GRM8: variants seen among roughly 807,000 people sequenced by gnomAD.
GRM8 encodes glutamate metabotropic receptor 8.
In GRM8, 47 loss-of-function variants were observed where a neutral mutation model predicts 87.2. The ratio of observed to expected loss-of-function variants is 0.54; its 90% CI spans 0.43 to 0.69. The LOEUF is 0.69. GRM8 is among the 30% of genes least tolerant of loss of function. The pLI is 0.00. For synonymous variants in GRM8, 396 were observed against 404.5 expected (o/e 0.98, Z 0.25); for missense variants, 1,019 against 1,139.2 (o/e 0.89, Z 1.52).
intron 6 of GRM8, among the ~76,000 whole-genome samples, chr7:126,886,788 C>T (rs1277422963): frequency 3.3e-5 from 5 of 151,980 alleles, no homozygotes; most frequent in Admixed American, 6.6e-5. Context: ...AAGAAATACC[C>T]TCAATTCCCA....
intron 6 of GRM8, among the ~76,000 whole-genome samples, chr7:126,836,523 C>T (rs902670949): frequency 6.6e-6 from 1 of 152,028 alleles, no homozygotes; most frequent in Non-Finnish European, 1.5e-5. Context: ...ATCACCTATT[C>T]TCTCCTCCTC....
rs142678251 is a variant in GRM8 at position 126,977,454 on chromosome 7, A to G, written c.728-72771T>C. Among the ~76,000 whole-genome samples the G allele has an allele frequency of 5.9e-5, 9 of 152,334 alleles. No homozygotes were observed. In the East Asian group the frequency reaches 1.5e-3, roughly 26 times the overall value. On this transcript the variant is annotated intron_variant, in intron 3 of 10. Transcript: ENST00000339582. ...GTACTGCTTGTCTAAGAAATATGCT[A>G]AAGAGAGGACAACACAATATCTGGA... is the stretch of plus-strand genomic sequence containing the variant.
At chr7:126,445,380 A>G (rs763506561) in intron 10 of GRM8, 6 of 152,056 alleles carry the variant, frequency 3.9e-5, no homozygotes, top group Non-Finnish European at 8.8e-5. Context: ...GATGGGCTTC[A>G]ATAGATCAGT....
At chr7:126,447,316 T>C (rs1802121701) in intron 9 of GRM8, 1 of 151,896 alleles carries the variant, frequency 6.6e-6, no homozygotes, top group Non-Finnish European at 1.5e-5. Context: ...GGTTCCACTT[T>C]TCATGTCCTG....
At position 126,932,069 on chromosome 7, in the gene GRM8, G is replaced by C. The variant is rs970895508; in HGVS notation, c.728-27386C>G. Among the ~76,000 whole-genome samples the C allele has an allele frequency of 2.6e-5, 4 of 151,732 alleles. No individual in the cohort carries two copies. The East Asian group carries it at 7.7e-4, about 29-fold the overall frequency. ...TAGAAAGAAACTTAAGGGTAATCTT[G>C]GGTCAACCTTACCAGTGCAGGAATC... On this transcript the variant is annotated intron_variant, in intron 3 of 10. Coordinates refer to ENST00000339582, the MANE Select transcript of GRM8 (RefSeq NM_000845.3).
chr7:126,584,594 C>G (rs11760596), intron 8 of GRM8, among the ~76,000 whole-genome samples: 29,725 of 152,142 alleles, frequency 0.2, 3,434 homozygotes, highest in East Asian at 0.31. Context: ...ATAAGACTAC[C>G]TTACATTTAT....
chr7:127,051,739 CA>C (rs59713382), intron 3 of GRM8, among the ~76,000 whole-genome samples: 5,863 of 58,288 alleles, frequency 0.1, 43 homozygotes, highest in Non-Finnish European at 0.14. Context: ...TAATGTTGAG[CA>C]AAAAAAAAAA....
At chr7:126,704,530 G>C (rs1264154907) in intron 7 of GRM8, among the ~76,000 whole-genome samples, 2 of 152,156 alleles carry the variant, frequency 1.3e-5, no homozygotes, top group African/African-American at 2.4e-5. Context: ...CAGTGAGCCG[G>C]GCGGAACAGA....
At chr7:126,753,737 T>C (rs1816697240) in intron 7 of GRM8, among the ~76,000 whole-genome samples, 1 of 151,854 alleles carries the variant, frequency 6.6e-6, no homozygotes, top group Non-Finnish European at 1.5e-5. Context: ...CCTCAAATAC[T>C]GAAAGAATGT....
chr7:126,564,481 C>T (rs1794021351), intron 8 of GRM8, among the ~76,000 whole-genome samples: 2 of 151,992 alleles, frequency 1.3e-5, no homozygotes, highest in South Asian at 4.2e-4. Context: ...ACCAGATAAT[C>T]TAAAAGAAAT....
At chr7:126,757,074 TATTG>T (rs2151561956) in intron 7 of GRM8, among the ~76,000 whole-genome samples, 1 of 152,246 alleles carries the variant, frequency 6.6e-6, no homozygotes, top group Non-Finnish European at 1.5e-5. Flanking sequence ...AAAAATTAAA[TATTG>T]AATGTCTAAC....
At chr7:126,953,778 C>CTCT (rs1265992799) in intron 3 of GRM8, among the ~76,000 whole-genome samples, 29 of 152,200 alleles carry the variant, frequency 1.9e-4, no homozygotes, top group Admixed American at 1.8e-3. Flanking sequence ...TAATACCTCT[C>CTCT]TCTTCTTTGA....
Position 126,579,009 on chromosome 7 carries a change from T to G in GRM8, c.1494+30353A>C, listed in dbSNP as rs1223382288. 2.0e-5 allele frequency among the ~76,000 whole-genome samples: 3 copies of G among 151,020 alleles called. No homozygotes were observed. The East Asian group carries it at 6.0e-4, about 30-fold the overall frequency. On this transcript the variant is annotated intron_variant, in intron 8 of 10. Transcript: ENST00000339582. Reference sequence around the variant, plus strand: ...TGTGTGCCAGTAATAGTACCAGACTTTTTCATGGCCATTATCTTACGTAAA... The same window carrying G: ...TGTGTGCCAGTAATAGTACCAGACTGTTTCATGGCCATTATCTTACGTAAA...
intron 9 of GRM8, chr7:126,512,853 G>A (rs1329773216): frequency 1.3e-5 from 2 of 152,102 alleles, no homozygotes; most frequent in Non-Finnish European, 2.9e-5. Flanking sequence ...CCTGGAAATA[G>A]GTGCTGTTAC....
intron 7 of GRM8, among the ~76,000 whole-genome samples, chr7:126,725,657 A>G (rs1044901106): frequency 2.6e-5 from 4 of 152,194 alleles, no homozygotes; most frequent in African/African-American, 9.6e-5. Flanking sequence ...CAATAAATAA[A>G]TATCTGGGAC....
intron 9 of GRM8, among the ~76,000 whole-genome samples, chr7:126,485,982 C>T (rs1191406767): frequency 6.6e-6 from 1 of 151,964 alleles, no homozygotes; most frequent in Non-Finnish European, 1.5e-5. Context: ...AAGTCACGTA[C>T]CTCTACACTT....
At chr7:126,762,389 G>T (rs1817668197) in intron 7 of GRM8, among the ~76,000 whole-genome samples, 1 of 151,510 alleles carries the variant, frequency 6.6e-6, no homozygotes, top group Admixed American at 6.6e-5. Context: ...TCGCAACACA[G>T]AAAAATGGCA....
At chr7:127,223,439 ACACG>A (rs1175395053) in intron 2 of GRM8, among the ~76,000 whole-genome samples, 2 of 78,044 alleles carry the variant, frequency 2.6e-5, no homozygotes, top group Non-Finnish European at 4.7e-5. Flanking sequence ...CCACACACAC[ACACG>A]CACACACACA....
intron 2 of GRM8, among the ~76,000 whole-genome samples, chr7:127,166,035 A>G (rs946092900): frequency 1.1e-4 from 16 of 152,192 alleles, no homozygotes; most frequent in Non-Finnish European, 2.1e-4. Flanking sequence ...AGAATCAGGA[A>G]GATAAATAGG....
Sources: allele counts gnomAD v4.1 joint callset (sites outside exome capture counted in the v4.1 genomes callset), GRCh38; gene constraint gnomAD v4.1.1; transcripts MANE v1.5; gene names NCBI Gene and HGNC (gene_info 2026-07-23, HGNC 2026-07-21).